CADPS2: variants seen among roughly 807,000 people sequenced by gnomAD.
The protein encoded by CADPS2 is calcium dependent secretion activator 2, also known as calcium-dependent secretion activator 2.
A neutral mutation model predicts 172.5 loss-of-function variants in CADPS2; 93 were observed. The ratio of observed to expected loss-of-function variants is 0.54; its 90% CI spans 0.46 to 0.64. CADPS2 has a LOEUF of 0.64. Among genes scored for constraint, CADPS2 ranks in the 30% least tolerant of loss-of-function variants. CADPS2 has a pLI of 0.00. For synonymous variants in CADPS2, 546 were observed against 555.2 expected, an observed-to-expected ratio of 0.98 and a Z score of 0.23; for missense variants, 1,420 against 1,565.9, an observed-to-expected ratio of 0.91 and a Z score of 1.57.
At chr7:122,766,925 CAAT>C (rs2093569369) in intron 1 of CADPS2, among the ~76,000 whole-genome samples, 1 of 152,088 alleles carries the variant, frequency 6.6e-6, no homozygotes, top group Non-Finnish European at 1.5e-5. Flanking sequence ...GTAGGAATAA[CAAT>C]AGTATCTATT....
chr7:122,399,036 C>T (rs912745223), intron 20 of CADPS2, among the ~76,000 whole-genome samples: 4 of 151,630 alleles, frequency 2.6e-5, no homozygotes, highest in African/African-American at 9.7e-5. Flanking sequence ...GTATAATAAC[C>T]CCTAAAACCA....
At chr7:122,519,286 T>C (rs1483207806) in intron 8 of CADPS2, among the ~76,000 whole-genome samples, 4 of 152,098 alleles carry the variant, frequency 2.6e-5, no homozygotes, top group African/African-American at 4.8e-5. Flanking sequence ...TCTGGATTAT[T>C]TTAAAATAAC....
chr7:122,487,241 C>A (rs1586551716), intron 11 of CADPS2, among the ~76,000 whole-genome samples: 4 of 152,062 alleles, frequency 2.6e-5, no homozygotes, highest in African/African-American at 9.6e-5. Context: ...AACTCCTGAA[C>A]TGAAGAGATC....
At chr7:122,505,982 C>A (rs1016620842) in intron 9 of CADPS2, among the ~76,000 whole-genome samples, 1 of 152,128 alleles carries the variant, frequency 6.6e-6, no homozygotes, top group Non-Finnish European at 1.5e-5. Flanking sequence ...GGTTTACTAG[C>A]CAGTTACCAG....
chr7:122,528,862 T>C (rs1273898521), intron 8 of CADPS2, among the ~76,000 whole-genome samples: 3 of 152,154 alleles, frequency 2.0e-5, no homozygotes, highest in Non-Finnish European at 4.4e-5. Flanking sequence ...TATATTAATT[T>C]GATACTTTCT....
chr7:122,780,264 G>C (rs1373624724), intron 1 of CADPS2, among the ~76,000 whole-genome samples: 1 of 151,742 alleles, frequency 6.6e-6, no homozygotes, highest in Non-Finnish European at 1.5e-5. Flanking sequence ...CTGAACTTCT[G>C]TATACTGAGT....
chr7:122,879,269 G>A (rs1288776551), intron 1 of CADPS2, among the ~76,000 whole-genome samples: 2 of 143,744 alleles, frequency 1.4e-5, no homozygotes, highest in African/African-American at 5.2e-5. Flanking sequence ...CAGGTGCAGT[G>A]GCTCATGCAG....
intron 10 of CADPS2, 62 bp downstream of exon 10, chr7:122,491,250 G>A: frequency 9.4e-7 from 1 of 1,068,494 alleles, no homozygotes; most frequent in Non-Finnish European, 1.4e-6. Context: ...ACAGACAAAG[G>A]ATATTTATAA....
intron 1 of CADPS2, among the ~76,000 whole-genome samples, chr7:122,842,499 A>C (rs1049271085): frequency 6.6e-6 from 1 of 152,158 alleles, no homozygotes; most frequent in South Asian, 2.1e-4. Context: ...AACCACCACA[A>C]AGACTTTGAT....
At chr7:122,757,127 T>G (rs1275583458) in intron 1 of CADPS2, among the ~76,000 whole-genome samples, 2 of 151,738 alleles carry the variant, frequency 1.3e-5, no homozygotes, top group Admixed American at 6.6e-5. Context: ...AATGCTGGTC[T>G]TCTTCTGTTA....
intron 14 of CADPS2, among the ~76,000 whole-genome samples, chr7:122,470,859 T>C (rs1260792095): frequency 2.0e-5 from 3 of 152,170 alleles, no homozygotes; most frequent in Admixed American, 2.0e-4. Flanking sequence ...AGGGAATTTT[T>C]ATGGCATCTT....
At chr7:122,768,416 A>G (rs1392287097) in intron 1 of CADPS2, among the ~76,000 whole-genome samples, 1 of 152,190 alleles carries the variant, frequency 6.6e-6, no homozygotes, top group Admixed American at 6.6e-5. Context: ...AAACTGATTT[A>G]GGACATTTCT....
chr7:122,378,625 T>G (rs1175097120), intron 25 of CADPS2: 1 of 152,100 alleles, frequency 6.6e-6, no homozygotes. Flanking sequence ...AGAAGCCTGA[T>G]TTGGGGCTTT....
At chr7:122,393,173 G>T (rs1438026302) in intron 22 of CADPS2, 23 bp downstream of exon 22, 1 of 1,611,134 alleles carries the variant, frequency 6.2e-7, no homozygotes, top group Admixed American at 1.7e-5. Flanking sequence ...CACACCACCA[G>T]GAAATAAGTG....
chr7:122,619,066 A>T (rs1258137515), intron 5 of CADPS2, among the ~76,000 whole-genome samples: 1 of 152,174 alleles, frequency 6.6e-6, no homozygotes, highest in Non-Finnish European at 1.5e-5. Flanking sequence ...CCAACTCAAC[A>T]GCCCTCCTAA....
intron 19 of CADPS2, among the ~76,000 whole-genome samples, chr7:122,410,618 A>T (rs2047189615): frequency 6.6e-6 from 1 of 152,170 alleles, no homozygotes; most frequent in Non-Finnish European, 1.5e-5. Flanking sequence ...AGGCAATAAC[A>T]ATACTTGCCC....
At chr7:122,466,628 T>C (rs1415801560) in intron 14 of CADPS2, among the ~76,000 whole-genome samples, 1 of 152,194 alleles carries the variant, frequency 6.6e-6, no homozygotes, top group African/African-American at 2.4e-5. Context: ...CCCCAAAAGC[T>C]CATTTAACTA....
chr7:122,405,331 T>C (rs1403521965), intron 20 of CADPS2, among the ~76,000 whole-genome samples: 1 of 152,098 alleles, frequency 6.6e-6, no homozygotes, highest in Non-Finnish European at 1.5e-5. Context: ...TCATTCCACG[T>C]TGGCTAGCTG....
chr7:122,792,314 G>T (rs1330813835), intron 1 of CADPS2, among the ~76,000 whole-genome samples: 1 of 152,146 alleles, frequency 6.6e-6, no homozygotes, highest in Non-Finnish European at 1.5e-5. Context: ...CATGAATGGA[G>T]CACTAATGAA....
Sources: allele counts gnomAD v4.1 joint callset (sites outside exome capture counted in the v4.1 genomes callset), GRCh38; gene constraint gnomAD v4.1.1; transcripts MANE v1.5; gene names NCBI Gene and HGNC (gene_info 2026-07-23, HGNC 2026-07-21).